POLQ: variants seen among roughly 807,000 people sequenced by gnomAD.
The protein encoded by POLQ is epididymis secretory sperm binding protein.
POLQ carries 233 observed loss-of-function variants against 259.2 expected under a neutral mutation model. That is an observed-to-expected ratio of 0.90 (90% CI 0.81 to 1.00). POLQ has a LOEUF of 1.00. POLQ is among the 50% of genes least tolerant of loss of function. The pLI is 0.00. For synonymous variants in POLQ, 1,025 were observed against 1,048.8 expected (o/e 0.98, Z 0.44); for missense variants, 2,871 against 3,051.6 (o/e 0.94, Z 1.39).
At chr3:121,444,779 T>C (rs911669235) in intron 26 of POLQ, among the ~76,000 whole-genome samples, 6 of 152,208 alleles carry the variant, frequency 3.9e-5, no homozygotes, top group Non-Finnish European at 8.8e-5. Flanking sequence ...GTATGTTTCT[T>C]GTAAACCCAG....
intron 4 of POLQ, 94 bp from the exon 5 acceptor site, chr3:121,537,302 T>C: frequency 1.4e-6 from 1 of 717,860 alleles, no homozygotes; most frequent in Non-Finnish European, 2.5e-6. Context: ...TAATTTCCTT[T>C]ATATCAACTT....
At chr3:121,520,995 T>G (rs1163950278) in intron 8 of POLQ, among the ~76,000 whole-genome samples, 2 of 152,230 alleles carry the variant, frequency 1.3e-5, no homozygotes, top group Non-Finnish European at 2.9e-5. Flanking sequence ...GGGGTTCTAG[T>G]TTTAAAATTA....
In POLQ at chr3:121,498,451, G is replaced by A. The variant is rs185280221; in HGVS notation, c.2153+26C>T. 19 of 1,565,460 alleles carry A rather than the reference G, an allele frequency of 1.2e-5. No homozygotes were observed. The African/African-American group carries it at 2.0e-4, about 17-fold the overall frequency. On this transcript the variant is annotated intron_variant, in intron 13 of 29. Transcript: ENST00000264233. The stretch of plus-strand genomic sequence containing the variant: ...ATGCAAGACACTGTGTTAAATACCG[G>A]AGAGCCCAGAGACCTTGACGTTTAC...
At chr3:121,450,651 G>A (rs1403292164) in intron 25 of POLQ, among the ~76,000 whole-genome samples, 1 of 152,066 alleles carries the variant, frequency 6.6e-6, no homozygotes, top group African/African-American at 2.4e-5. Flanking sequence ...TTTCTGCAGA[G>A]AGAACTGGTG....
intron 24 of POLQ, among the ~76,000 whole-genome samples, chr3:121,461,096 T>C (rs1488688067): frequency 6.6e-6 from 1 of 152,212 alleles, no homozygotes; most frequent in East Asian, 1.9e-4. Flanking sequence ...ACAATTTTTC[T>C]TCACCTGTAT....
At chr3:121,487,227 T>G in intron 16 of POLQ, 75 bp downstream of exon 16, 1 of 773,742 alleles carries the variant, frequency 1.3e-6, no homozygotes, top group Non-Finnish European at 2.0e-6. Flanking sequence ...TATCTAACAT[T>G]GAGAAATCTA....
chr3:121,539,474 A>T lies in POLQ; in HGVS notation c.590T>A (p.Leu197Gln). The T allele has an allele frequency of 6.2e-7, 1 of 1,612,720 alleles. No individual in the cohort carries two copies. Among genetic ancestry groups the T allele is most frequent in the South Asian group, 1.1e-5 (1 of 90,704 alleles). The change falls in exon 4 of 30, where the codon CTG (leucine) becomes CAG (glutamine). Residue 197 changes from leucine (L) to glutamine (Q), a missense_variant. Transcript: ENST00000264233. ...AVCTIERANG[L>Q]INRLIEENKM... ...ATTTTCCTCTATGAGGCGATTGATC[A>T]GACCATTGGCTCTCTCAATTGTGCA...
At chr3:121,541,295 C>T (rs2048487592) in intron 3 of POLQ, 54 bp downstream of exon 3, 2 of 1,414,864 alleles carry the variant, frequency 1.4e-6, no homozygotes, top group Non-Finnish European at 1.9e-6. Context: ...TGAATGAAAC[C>T]AAGACTGCCA....
intron 24 of POLQ, among the ~76,000 whole-genome samples, chr3:121,464,173 C>A (rs2047816542): frequency 6.6e-6 from 1 of 152,178 alleles, no homozygotes; most frequent in African/African-American, 2.4e-5. Context: ...GAAAAATGTA[C>A]TTCTGACCTA....
At chr3:121,465,362 G>C (rs1173172969) in intron 24 of POLQ, among the ~76,000 whole-genome samples, 1 of 152,152 alleles carries the variant, frequency 6.6e-6, no homozygotes. Context: ...AAAGTGCTGG[G>C]ATTACAGGTG....
chr3:121,542,367 G>A (rs1203790774), intron 2 of POLQ, among the ~76,000 whole-genome samples: 1 of 152,062 alleles, frequency 6.6e-6, no homozygotes, highest in East Asian at 1.9e-4. Context: ...TCTAGCATGG[G>A]TGATACAGTG....
intron 25 of POLQ, among the ~76,000 whole-genome samples, chr3:121,451,328 C>A (rs1400455327): frequency 6.6e-6 from 1 of 152,170 alleles, no homozygotes; most frequent in South Asian, 2.1e-4. Context: ...CCATTGCTGG[C>A]GAGGAGCTGA....
intron 1 of POLQ, 53 bp downstream of exon 1, chr3:121,545,662 T>G: frequency 6.7e-7 from 1 of 1,493,208 alleles, no homozygotes; most frequent in Non-Finnish European, 8.9e-7. Flanking sequence ...TCCCGACCCA[T>G]GGCCCGGCGG....
At chr3:121,483,849 T>C (rs1049672937) in intron 17 of POLQ, among the ~76,000 whole-genome samples, 2 of 152,100 alleles carry the variant, frequency 1.3e-5, no homozygotes, top group African/African-American at 4.8e-5. Flanking sequence ...TATTAATACT[T>C]GTAAAAACAA....
In POLQ at chr3:121,494,587, C is replaced by T. The variant is rs577970773; in HGVS notation, c.2279-866G>A. 181 of 1,564,844 alleles carry T rather than the reference C, an allele frequency of 1.2e-4. No individual in the cohort carries two copies. The African/African-American group carries it at 1.8e-3, about 16-fold the overall frequency. ...CTCAGCTGGTGGTGATTGCACACAA[C>T]GCGGATCCCATCAAGCTGGCTGTCT... On this transcript the variant is annotated intron_variant, in intron 14 of 29. Coordinates refer to ENST00000264233, the MANE Select transcript of POLQ (RefSeq NM_199420.4).
At chr3:121,476,157 T>C (rs910694036) in intron 20 of POLQ, among the ~76,000 whole-genome samples, 5 of 152,072 alleles carry the variant, frequency 3.3e-5, no homozygotes, top group African/African-American at 1.2e-4. Flanking sequence ...TAGAAAGATG[T>C]TAGGGCAAGC....
chr3:121,471,791 A>C (rs562492146), intron 22 of POLQ, among the ~76,000 whole-genome samples, 199 bp downstream of exon 22: 1 of 152,272 alleles, frequency 6.6e-6, no homozygotes, highest in East Asian at 1.9e-4. Context: ...AAATAAAAAT[A>C]AAAGCAGGAA....
intron 2 of POLQ, among the ~76,000 whole-genome samples, chr3:121,542,131 G>A (rs558432305): frequency 2.7e-4 from 40 of 148,610 alleles, no homozygotes; most frequent in African/African-American, 8.4e-4. Flanking sequence ...GAGAGACTCC[G>A]TCTCAAAAAG....
rs2047972160 is a variant in POLQ, at chr3:121,481,677, C to T, written c.6106G>A (p.Ala2036Thr). Residue 2036 changes from alanine (A) to threonine (T), a missense_variant, in exon 19 of 30, where the codon GCT becomes ACT. Coordinates refer to ENST00000264233, the MANE Select transcript of POLQ (RefSeq NM_199420.4). Reference sequence around the variant, plus strand: ...TATCGCCCAGAATGCTCACTGCCAGCATTTAGCCCCAGGCTTTGAATCCCT... The same window carrying T: ...TATCGCCCAGAATGCTCACTGCCAGTATTTAGCCCCAGGCTTTGAATCCCT... ...SQGIQSLGLN[A>T]GSEHSGRYRA... 1.2e-6 allele frequency: 2 copies of T among 1,614,154 alleles called. No homozygotes were observed. Among genetic ancestry groups the T allele is most frequent in the East Asian group, 4.5e-5 (2 of 44,870 alleles).
Sources: allele counts gnomAD v4.1 joint callset (sites outside exome capture counted in the v4.1 genomes callset), GRCh38; gene constraint gnomAD v4.1.1; transcripts MANE v1.5; gene names NCBI Gene and HGNC (gene_info 2026-07-23, HGNC 2026-07-21).